The following PDE8A variants were observed in gnomAD, a reference collection of about 807,000 sequenced individuals.
PDE8A encodes phosphodiesterase 8A, also known as high affinity cAMP-specific and IBMX-insensitive 3',5'-cyclic phosphodiesterase 8A.
In PDE8A, 59 loss-of-function variants were observed where a neutral mutation model predicts 105.0. The ratio of observed to expected loss-of-function variants is 0.56; its 90% CI spans 0.46 to 0.70. The LOEUF is 0.70. Among genes scored for constraint, PDE8A ranks in the 30% least tolerant of loss-of-function variants. The pLI is 0.00. For missense variants in PDE8A, 1,014 were observed against 1,045.9 expected (o/e 0.97, Z 0.42); for synonymous variants, 355 against 371.9 (o/e 0.95, Z 0.52).
In PDE8A at chr15:85,018,530, G is replaced by C. The variant is rs190770354; in HGVS notation, c.186+36182G>C. ...CCAGTCTCTTACTATTGGGTAGATG[G>C]TTAACCCTCACATCATCTTTTTTTT... On this transcript the variant is annotated intron_variant, in intron 1 of 21. Transcript: ENST00000394553. Among the ~76,000 whole-genome samples the C allele has an allele frequency of 3.3e-4, 50 of 152,270 alleles. No homozygotes were observed. In the East Asian group the frequency reaches 8.5e-3, roughly 26 times the overall value.
At chr15:85,048,493 T>G (rs988024254) in intron 1 of PDE8A, among the ~76,000 whole-genome samples, 6 of 152,172 alleles carry the variant, frequency 3.9e-5, no homozygotes, top group African/African-American at 1.2e-4. Context: ...CCCTCCAGTT[T>G]ATGCTTTTTC....
intron 1 of PDE8A, among the ~76,000 whole-genome samples, chr15:84,997,846 C>T (rs1306440626): frequency 2.6e-5 from 4 of 151,678 alleles, no homozygotes; most frequent in Non-Finnish European, 5.9e-5. Context: ...CTGCCTGCCT[C>T]GGCCTCCCAA....
At chr15:85,039,896 G>A (rs1029707055) in intron 1 of PDE8A, among the ~76,000 whole-genome samples, 2 of 152,144 alleles carry the variant, frequency 1.3e-5, no homozygotes, top group Admixed American at 1.3e-4. Context: ...GTTGAACTTA[G>A]AAGTAAAGAG....
chr15:85,094,829 C>A (rs1451167543), intron 8 of PDE8A, among the ~76,000 whole-genome samples: 2 of 152,158 alleles, frequency 1.3e-5, no homozygotes, highest in Non-Finnish European at 2.9e-5. Flanking sequence ...CCGGAATCCT[C>A]CATCTCCACT....
chr15:85,123,784 TAGTTTTTATTGGTTAAAAAATTATTTAA>T (rs2082219126), intron 19 of PDE8A, among the ~76,000 whole-genome samples: 1 of 152,218 alleles, frequency 6.6e-6, no homozygotes, highest in South Asian at 2.1e-4. Flanking sequence ...TCACTGAATT[TAGTTTTTATTGGTTAAAAAATTATTTAA>T]AGTGCAAAAA....
Position 85,113,380 on chromosome 15 carries a change from C to T in PDE8A, c.1118C>T (p.Ser373Phe), listed in dbSNP as rs1407741161. 7.4e-6 allele frequency: 12 copies of T among 1,613,896 alleles called. No individual in the cohort carries two copies. The highest frequency in any genetic ancestry group is 1.0e-5 in the Non-Finnish European group (12 of 1,179,898). Residue 373 changes from serine (S) to phenylalanine (F), a missense_variant, in exon 13 of 22, where the codon TCC becomes TTC. By Grantham distance (155) the Ser-to-Phe change is radical. Coordinates refer to ENST00000394553, the MANE Select transcript of PDE8A (RefSeq NM_002605.3). ...TTGTGCATCCCTTTCTCCACAGTTT[C>T]CAGCCAGAGACGACACTCTTCCATG... Reference protein sequence around the residue: ...KAVASRATEVSSQRRHSSMAR... With the variant: ...KAVASRATEVFSQRRHSSMAR...
rs892018704 is a variant in PDE8A, at chr15:85,127,332, T to C, written c.2253+958T>C. 2.7e-4 allele frequency among the ~76,000 whole-genome samples: 41 copies of C among 152,208 alleles called. 1 individual carries two copies. The highest frequency in any genetic ancestry group is 3.5e-4 in the Non-Finnish European group (24 of 68,022). Reference sequence around the variant, plus strand: ...GTATTGGTGTTCCTCATCATTGCAATAGACAAAGGAGAGAGAGGTTTAAAG... The same window carrying C: ...GTATTGGTGTTCCTCATCATTGCAACAGACAAAGGAGAGAGAGGTTTAAAG... On this transcript the variant is annotated intron_variant, in intron 20 of 21. Coordinates refer to ENST00000394553, the MANE Select transcript of PDE8A (RefSeq NM_002605.3).
chr15:84,982,414 G>A, intron 1 of PDE8A, 66 bp downstream of exon 1: 1 of 1,109,690 alleles, frequency 9.0e-7, no homozygotes, highest in African/African-American at 1.6e-5. Flanking sequence ...CAACTTTCCC[G>A]CAGGGGCCGG....
At chr15:85,007,511 T>G (rs756286636) in intron 1 of PDE8A, among the ~76,000 whole-genome samples, 8 of 151,692 alleles carry the variant, frequency 5.3e-5, no homozygotes, top group African/African-American at 9.7e-5. Flanking sequence ...TTACGCTATA[T>G]GTACTTTCTG....
intron 1 of PDE8A, among the ~76,000 whole-genome samples, chr15:85,023,306 T>C (rs886281193): frequency 2.0e-5 from 3 of 152,162 alleles, no homozygotes; most frequent in African/African-American, 7.2e-5. Flanking sequence ...CATGAATTCT[T>C]GGTGGCCTCA....
At chr15:84,982,619 GGAGCGGCGGGGCCCGATGTGAA>G (rs1165847279) in intron 1 of PDE8A, among the ~76,000 whole-genome samples, 2 of 152,158 alleles carry the variant, frequency 1.3e-5, no homozygotes, top group African/African-American at 4.8e-5. Context: ...TCCGACTCCC[GGAGCGGCGGGGCCCGATGTGAA>G]GTTGACTGAG....
intron 1 of PDE8A, among the ~76,000 whole-genome samples, chr15:85,008,778 T>C (rs928695266): frequency 2.6e-5 from 4 of 152,162 alleles, no homozygotes; most frequent in Non-Finnish European, 5.9e-5. Context: ...TATTCCACCT[T>C]GCCCCTGTCT....
Position 85,072,587 on chromosome 15 carries a change from C to G in PDE8A, c.435-3275C>G, listed in dbSNP as rs560336476. 7.2e-5 allele frequency among the ~76,000 whole-genome samples: 11 copies of G among 152,256 alleles called. No individual in the cohort carries two copies. In the South Asian group the frequency reaches 2.3e-3, roughly 32 times the overall value. On this transcript the variant is annotated intron_variant, in intron 3 of 21. Coordinates refer to ENST00000394553, the MANE Select transcript of PDE8A (RefSeq NM_002605.3). ...GAATGTGGACATTATGGCTAGTGTT[C>G]AGTATCTGTCTTGGACCATGAGGAA...
At chr15:85,090,879 T>A (rs573815546) in intron 7 of PDE8A, 165 bp from the exon 8 acceptor site, 11 of 684,166 alleles carry the variant, frequency 1.6e-5, no homozygotes, top group Non-Finnish European at 3.0e-5. Flanking sequence ...CCAGAATTCT[T>A]CGTGGGTTAT....
intron 1 of PDE8A, among the ~76,000 whole-genome samples, chr15:84,993,675 T>C (rs948677547): frequency 3.3e-5 from 5 of 151,744 alleles, no homozygotes; most frequent in African/African-American, 1.2e-4. Flanking sequence ...AGGCCAGGAG[T>C]TTGAGAACAG....
intron 18 of PDE8A, 39 bp from the exon 19 acceptor site, chr15:85,123,022 A>T (rs747895738): frequency 6.2e-6 from 10 of 1,608,120 alleles, no homozygotes; most frequent in Non-Finnish European, 8.5e-6. Context: ...GGTCTGGATC[A>T]GTAATTTGTA....
Position 84,982,192 on chromosome 15 carries a change from C to T in PDE8A, c.30C>T (p.Ser10=), listed in dbSNP as rs2079723052. MGCAPSIHI[S]ERLVAEDAPS... is the part of the protein sequence containing the mutation. ...GCTGTGCCCCGAGCATCCACATTTC[C>T]GAGCGCCTGGTGGCCGAGGACGCGC... The change falls in exon 1 of 22, where the codon TCC becomes TCT. Residue 10 remains serine (S), a synonymous_variant. Transcript: ENST00000394553. 1 of 1,483,998 alleles carries T rather than the reference C, an allele frequency of 6.7e-7. No individual in the cohort carries two copies. The highest frequency in any genetic ancestry group is 2.9e-5 in the East Asian group (1 of 34,284). 91.9% of individuals were successfully genotyped at this position (1,483,998 alleles called of 1,614,324 possible).
chr15:85,064,553 C>G (rs1001995074), intron 2 of PDE8A, 127 bp downstream of exon 2: 4 of 643,350 alleles, frequency 6.2e-6, no homozygotes, highest in Non-Finnish European at 1.1e-5. Flanking sequence ...ATGTTAAATT[C>G]CCTGAACTCT....
intron 2 of PDE8A, among the ~76,000 whole-genome samples, chr15:85,065,742 T>G (rs16974194): frequency 0.089 from 13,488 of 152,286 alleles, 1,657 homozygotes; most frequent in African/African-American, 0.28. Flanking sequence ...TTGCCCCATT[T>G]TCAGTCTGCT....
Sources: allele counts gnomAD v4.1 joint callset (sites outside exome capture counted in the v4.1 genomes callset), GRCh38; gene constraint gnomAD v4.1.1; transcripts MANE v1.5; gene names NCBI Gene and HGNC (gene_info 2026-07-23, HGNC 2026-07-21).